The following FERMT1 variants were observed in gnomAD, a reference collection of about 807,000 sequenced individuals.
FERMT1 encodes the protein FERM domain containing kindlin 1, also known as fermitin family homolog 1.
FERMT1 carries 60 observed loss-of-function variants against 85.3 expected under a neutral mutation model. The observed-to-expected ratio is 0.70, with a 90% CI of 0.57 to 0.87. The LOEUF (loss-of-function observed/expected upper bound fraction) is 0.87, where lower values mean the gene tolerates loss of function less well. FERMT1 is among the 40% of genes least tolerant of loss of function. The pLI, the probability that FERMT1 is intolerant of heterozygous loss-of-function variation, is 0.00. For synonymous variants in FERMT1, 275 were observed against 301.1 expected, an observed-to-expected ratio of 0.91 and a Z score of 0.90; for missense variants, 701 against 818.9, an observed-to-expected ratio of 0.86 and a Z score of 1.76.
chr20:6,099,335 G>A (rs567495482), intron 6 of FERMT1, among the ~76,000 whole-genome samples: 25 of 151,488 alleles, frequency 1.7e-4, no homozygotes, highest in Admixed American at 1.3e-3. Flanking sequence ...AACCTGGGAG[G>A]CAGAGGTTTC....
At chr20:6,116,544 A>G (rs973267198) in intron 2 of FERMT1, among the ~76,000 whole-genome samples, 7 of 152,224 alleles carry the variant, frequency 4.6e-5, no homozygotes, top group South Asian at 2.1e-4. Flanking sequence ...CCCGGCCTAC[A>G]TGGCAAAACC....
At chr20:6,094,744 A>G (rs909060944) in intron 9 of FERMT1, among the ~76,000 whole-genome samples, 195 bp downstream of exon 9, 2 of 152,190 alleles carry the variant, frequency 1.3e-5, no homozygotes, top group Non-Finnish European at 2.9e-5. Flanking sequence ...CAGAGACATA[A>G]TATATTGCTC....
intron 6 of FERMT1, among the ~76,000 whole-genome samples, chr20:6,101,181 T>G (rs1982649266): frequency 6.6e-6 from 1 of 152,206 alleles, no homozygotes; most frequent in South Asian, 2.1e-4. Context: ...CAGATGCCGT[T>G]AGTAGAAAGG....
chr20:6,114,194 T>A (rs576993401), intron 3 of FERMT1, among the ~76,000 whole-genome samples: 17 of 152,342 alleles, frequency 1.1e-4, no homozygotes, highest in South Asian at 8.3e-4. Flanking sequence ...TCCAAATGCA[T>A]AATTTATACA....
Position 6,075,530 on chromosome 20 carries a change from G to A in FERMT1, c.*1643C>T, listed in dbSNP as rs1208368013. 1 of 152,294 alleles carries A rather than the reference G, an allele frequency of 6.6e-6. No individual in the cohort carries two copies. The highest frequency in any genetic ancestry group is 2.4e-5 in the African/African-American group (1 of 41,430). The allele number at this position is 152,294 out of a possible 1,614,324, so 9.4% of individuals were successfully genotyped here. A position where few individuals can be genotyped will look rare whatever the true frequency, so the allele number is the denominator to read the frequency against. On this transcript the variant is annotated 3_prime_UTR_variant, in exon 15 of 15. Transcript: ENST00000217289. Reference sequence around the variant, plus strand: ...CCTCAGAAATTCAGCGGGTGCCTGGGAGGCTTCATTCACATTCACCTCTAA... The same window carrying A: ...CCTCAGAAATTCAGCGGGTGCCTGGAAGGCTTCATTCACATTCACCTCTAA...
At chr20:6,107,935 G>A (rs921763157) in intron 5 of FERMT1, among the ~76,000 whole-genome samples, 2 of 152,126 alleles carry the variant, frequency 1.3e-5, no homozygotes, top group Admixed American at 6.5e-5. Context: ...GTGCAGTCTC[G>A]GCTCACTGCA....
At chr20:6,089,160 A>C in intron 9 of FERMT1, 71 bp from the exon 10 acceptor site, 2 of 1,430,866 alleles carry the variant, frequency 1.4e-6, no homozygotes, top group South Asian at 1.2e-5. Flanking sequence ...GATTTCAAGC[A>C]GATCAGATCA....
intron 3 of FERMT1, among the ~76,000 whole-genome samples, chr20:6,113,560 T>C (rs1056065532): frequency 1.3e-5 from 2 of 152,230 alleles, no homozygotes; most frequent in Non-Finnish European, 2.9e-5. Flanking sequence ...TCAGCACACC[T>C]GGCTTCTGGC....
chr20:6,101,945 T>G (rs1568660648), intron 6 of FERMT1, among the ~76,000 whole-genome samples: 2 of 152,128 alleles, frequency 1.3e-5, no homozygotes, highest in Non-Finnish European at 2.9e-5. Flanking sequence ...CGTGAGCCAC[T>G]GTGCCCGCCC....
rs1222277422 is a variant in FERMT1 at position 6,096,971 on chromosome 20, A to G, written c.1020T>C (p.Val340=). Residue 340 remains valine (V), a synonymous_variant, in exon 8 of 15, where the codon GTT becomes GTC. Coordinates refer to ENST00000217289, the MANE Select transcript of FERMT1 (RefSeq NM_017671.5). ...ETQDFAGESE[V]DEIEAALSNL... ...TAGAAAGCGCCGCTTCTATTTCATC[A>G]ACCTCGGACTCGCCTGCAAAATCCT... 21 of 1,613,984 alleles carry G rather than the reference A, an allele frequency of 1.3e-5. No homozygotes were observed. Among genetic ancestry groups the G allele is most frequent in the Non-Finnish European group, 1.6e-5 (19 of 1,179,990 alleles).
rs1458321180 is a variant in FERMT1, at chr20:6,076,163, C to A, written c.*1010G>T. ...GATAAGAGGGACGCTTCCCCATGAC[C>A]CAGACCAGCCTAAAGCCCCTGTGGG... On this transcript the variant is annotated 3_prime_UTR_variant, in exon 15 of 15. Coordinates refer to ENST00000217289, the MANE Select transcript of FERMT1 (RefSeq NM_017671.5). 3.8e-6 allele frequency: 1 copy of A among 264,960 alleles called. No homozygotes were observed. The allele number at this position is 264,960 out of a possible 1,614,324, so 16.4% of individuals were successfully genotyped here.
At chr20:6,088,814 G>A in intron 10 of FERMT1, 151 bp downstream of exon 10, 1 of 647,540 alleles carries the variant, frequency 1.5e-6, no homozygotes, top group Non-Finnish European at 2.7e-6. Context: ...AGTAGAGATG[G>A]GGTTTCACCA....
Position 6,096,929 on chromosome 20 carries a change from T to C in FERMT1, c.1062A>G (p.Leu354=), listed in dbSNP as rs746669167. 20 of 1,613,850 alleles carry C rather than the reference T, an allele frequency of 1.2e-5. No individual in the cohort carries two copies. The highest frequency in any genetic ancestry group is 6.7e-5 in the East Asian group (3 of 44,866). Residue 354 remains leucine (L), a synonymous_variant, in exon 8 of 15, where the codon CTA becomes CTG. Coordinates refer to ENST00000217289, the MANE Select transcript of FERMT1 (RefSeq NM_017671.5). ...EAALSNLEVT[L]EGGKADSLLE... ...AAAGGCTGTCCGCTTTTCCACCTTC[T>C]AGGGTTACTTCCAAATTAGAAAGCG...
At chr20:6,088,587 C>T (rs1473963845) in intron 10 of FERMT1, among the ~76,000 whole-genome samples, 1 of 151,530 alleles carries the variant, frequency 6.6e-6, no homozygotes, top group Non-Finnish European at 1.5e-5. Flanking sequence ...GTAAACCGTG[C>T]CTCATGGTGT....
Position 6,115,971 on chromosome 20 carries a change from C to T in FERMT1, c.225G>A (p.Trp75Ter), listed in dbSNP as rs1983085952. 1 of 1,614,106 alleles carries T rather than the reference C, an allele frequency of 6.2e-7. No individual in the cohort carries two copies. The highest frequency in any genetic ancestry group is 8.5e-7 in the Non-Finnish European group (1 of 1,180,014). Reference sequence around the variant, plus strand: ...CCTGGACCCCATATTTGTCCAGGGTCCAGTGGGTTTTCAGAAGCCAGCAAT... The same window carrying T: ...CCTGGACCCCATATTTGTCCAGGGTTCAGTGGGTTTTCAGAAGCCAGCAAT... Reference protein sequence around the residue: ...QKHCWLLKTHWTLDKYGVQAD... With the variant: ...QKHCWLLKTH The change falls in exon 3 of 15, where the codon TGG (tryptophan) becomes TGA (stop). Residue 75 changes from tryptophan to a stop codon, truncating the protein, a stop_gained. Coordinates refer to ENST00000217289, the MANE Select transcript of FERMT1 (RefSeq NM_017671.5). LOFTEE classifies it high-confidence loss of function.
At position 6,097,260 on chromosome 20, in the gene FERMT1, C is replaced by A. The variant is rs11700199; in HGVS notation, c.958-227G>T. Among the ~76,000 whole-genome samples, 14,081 of 152,078 alleles carry A rather than the reference C, an allele frequency of 0.093. 694 individuals are homozygous for A. Among genetic ancestry groups the A allele is most frequent in the African/African-American group, 0.12 (4,863 of 41,464 alleles). On this transcript the variant is annotated intron_variant, in intron 7 of 14. Transcript: ENST00000217289. ...GCTCTTTCTCATCACTGATTGTGCTCACAGTAGGGAAGAGATAATAATTGC... is the reference window on the plus strand; with the variant it reads ...GCTCTTTCTCATCACTGATTGTGCTAACAGTAGGGAAGAGATAATAATTGC...
chr20:6,120,922 C>T (rs1983254683), intron 1 of FERMT1, among the ~76,000 whole-genome samples: 1 of 152,168 alleles, frequency 6.6e-6, no homozygotes. Flanking sequence ...ATCCGAGGAA[C>T]ATTACTTTTA....
At chr20:6,119,791 ATACT>A (rs1204539114) in intron 1 of FERMT1, among the ~76,000 whole-genome samples, 4 of 152,190 alleles carry the variant, frequency 2.6e-5, no homozygotes, top group Non-Finnish European at 5.9e-5. Context: ...CTAAATTTAC[ATACT>A]TCATTTTTCC....
intron 6 of FERMT1, among the ~76,000 whole-genome samples, chr20:6,098,839 A>G (rs1003675782): frequency 1.3e-5 from 2 of 152,200 alleles, no homozygotes; most frequent in African/African-American, 4.8e-5. Flanking sequence ...GCTGTGGAGA[A>G]ATTGGAGCCC....
Sources: allele counts gnomAD v4.1 joint callset (sites outside exome capture counted in the v4.1 genomes callset), GRCh38; gene constraint gnomAD v4.1.1; transcripts MANE v1.5; gene names NCBI Gene and HGNC (gene_info 2026-07-23, HGNC 2026-07-21).